Variants in CACNA2D3 observed in about 807,000 individuals in gnomAD.
CACNA2D3 encodes calcium voltage-gated channel auxiliary subunit alpha2delta 3.
Under a neutral mutation model 160.6 loss-of-function variants are expected in CACNA2D3, and 60 were observed. The ratio of observed to expected loss-of-function variants is 0.37; its 90% confidence interval spans 0.30 to 0.46. The LOEUF is 0.46. Ranked by LOEUF, CACNA2D3 falls within the 20% of genes least tolerant of loss-of-function variation. CACNA2D3 has a pLI of 1.00. For missense variants in CACNA2D3, 1,205 were observed against 1,365.0 expected (o/e 0.88, Z 1.85); for synonymous variants, 558 against 492.9 (o/e 1.13, Z -1.75).
intron 2 of CACNA2D3, among the ~76,000 whole-genome samples, chr3:54,288,038 C>G (rs962898870): frequency 6.6e-6 from 1 of 151,922 alleles, no homozygotes; most frequent in South Asian, 2.1e-4. Flanking sequence ...CAAACACATT[C>G]AAAAGCTAGC....
chr3:54,135,987 G>A (rs1576949745), intron 2 of CACNA2D3, among the ~76,000 whole-genome samples: 1 of 152,362 alleles, frequency 6.6e-6, no homozygotes, highest in East Asian at 1.9e-4. Context: ...GACGACAGGG[G>A]GAGGCAGCCC....
chr3:54,450,655 G>A (rs1275042757), intron 4 of CACNA2D3, among the ~76,000 whole-genome samples: 1 of 152,064 alleles, frequency 6.6e-6, no homozygotes, highest in Non-Finnish European at 1.5e-5. Context: ...TCCTCTCTCA[G>A]CATGTGGTCA....
At chr3:54,306,555 A>C (rs1703606813) in intron 2 of CACNA2D3, among the ~76,000 whole-genome samples, 1 of 152,172 alleles carries the variant, frequency 6.6e-6, no homozygotes. Context: ...GAGCCCTTGC[A>C]TGGCCAAGGA....
intron 2 of CACNA2D3, among the ~76,000 whole-genome samples, chr3:54,233,540 A>G (rs889122768): frequency 6.6e-6 from 1 of 152,216 alleles, no homozygotes; most frequent in Non-Finnish European, 1.5e-5. Flanking sequence ...GGCCTTCCAC[A>G]CCATTGGAAA....
Position 54,871,520 on chromosome 3 carries a change from T to C in CACNA2D3, c.1627-19T>C. On this transcript the variant is annotated intron_variant, in intron 17 of 37. Transcript: ENST00000474759. The stretch of plus-strand genomic sequence containing the variant: ...ACGGACTTTTGTTTTTCTTTTCTTT[T>C]TCTTCTTCCCCTTGCTAGTACGAAG... The C allele has an allele frequency of 6.3e-7, 1 of 1,593,988 alleles. No individual in the cohort carries two copies. The highest frequency in any genetic ancestry group is 8.6e-7 in the Non-Finnish European group (1 of 1,163,208).
At chr3:54,973,845 G>A (rs143695663) in intron 29 of CACNA2D3, among the ~76,000 whole-genome samples, 39 of 152,294 alleles carry the variant, frequency 2.6e-4, no homozygotes, top group Admixed American at 1.5e-3. Flanking sequence ...AGTGTCAAGC[G>A]TATTCCACAA....
intron 17 of CACNA2D3, among the ~76,000 whole-genome samples, chr3:54,848,136 A>G (rs1698975405): frequency 6.6e-6 from 1 of 152,194 alleles, no homozygotes; most frequent in East Asian, 1.9e-4. Context: ...TTTGCCAACA[A>G]ACATTTGCCT....
rs537486774 is a variant in CACNA2D3, at chr3:54,554,176, G to T, written c.545-8624G>T. Among the ~76,000 whole-genome samples the T allele has an allele frequency of 3.3e-5, 5 of 150,472 alleles. No individual in the cohort carries two copies. The East Asian group carries it at 7.8e-4, about 24-fold the overall frequency. On this transcript the variant is annotated intron_variant, in intron 5 of 37. Coordinates refer to ENST00000474759, the MANE Select transcript of CACNA2D3 (RefSeq NM_018398.3). ...GGTCATCTATATGACCTCTGGGAGGGTCATCTTTGACCACCCAATTTGGGT... is the reference window on the plus strand; with the variant it reads ...GGTCATCTATATGACCTCTGGGAGGTTCATCTTTGACCACCCAATTTGGGT...
chr3:54,749,005 CAT>C (rs1267372845), intron 11 of CACNA2D3, among the ~76,000 whole-genome samples: 1 of 152,214 alleles, frequency 6.6e-6, no homozygotes, highest in Non-Finnish European at 1.5e-5. Flanking sequence ...TTAATTTCCA[CAT>C]GTCATCTCTT....
chr3:54,657,251 A>G lies in CACNA2D3; in HGVS notation c.1167+15010A>G, dbSNP rs1351921795. On this transcript the variant is annotated intron_variant, in intron 11 of 37. Coordinates refer to ENST00000474759, the MANE Select transcript of CACNA2D3 (RefSeq NM_018398.3). ...ACCCGCGGTCTGGATGTGTACGTGCAGGTCACAGGGGATATGATGGCTTAG... is the reference window on the plus strand; with the variant it reads ...ACCCGCGGTCTGGATGTGTACGTGCGGGTCACAGGGGATATGATGGCTTAG... Among the ~76,000 whole-genome samples, 6 of 152,172 alleles carry G rather than the reference A, an allele frequency of 3.9e-5. No individual in the cohort carries two copies. In the East Asian group the frequency reaches 9.6e-4, roughly 24 times the overall value.
chr3:54,204,697 G>A (rs931247399), intron 2 of CACNA2D3, among the ~76,000 whole-genome samples: 3 of 150,966 alleles, frequency 2.0e-5, no homozygotes, highest in African/African-American at 7.3e-5. Flanking sequence ...TTGGGAGGCT[G>A]AGGCAGGAGA....
At chr3:54,832,011 T>TCACACACACACACACACACACA (rs60020847) in intron 14 of CACNA2D3, among the ~76,000 whole-genome samples, 1 of 118,862 alleles carries the variant, frequency 8.4e-6, no homozygotes, top group Non-Finnish European at 1.7e-5. Flanking sequence ...CTCTTCTCTG[T>TCACACACACACACACACACACA]CACACACACA....
At chr3:54,927,037 A>T (rs1460781499) in intron 27 of CACNA2D3, among the ~76,000 whole-genome samples, 1 of 152,228 alleles carries the variant, frequency 6.6e-6, no homozygotes, top group African/African-American at 2.4e-5. Flanking sequence ...GTGGTAGAGG[A>T]ATTCATGAGC....
intron 2 of CACNA2D3, among the ~76,000 whole-genome samples, chr3:54,260,741 A>G (rs1305626091): frequency 6.6e-6 from 1 of 152,082 alleles, no homozygotes; most frequent in Non-Finnish European, 1.5e-5. Context: ...AAACATGCCA[A>G]GCCCTTTCAG....
At chr3:54,667,304 G>T (rs1004113698) in intron 11 of CACNA2D3, among the ~76,000 whole-genome samples, 3 of 152,072 alleles carry the variant, frequency 2.0e-5, no homozygotes, top group Non-Finnish European at 4.4e-5. Context: ...GTATGAATTG[G>T]TTTTCAAGAC....
At chr3:54,825,816 A>C (rs1362241657) in intron 14 of CACNA2D3, among the ~76,000 whole-genome samples, 1 of 152,200 alleles carries the variant, frequency 6.6e-6, no homozygotes, top group Non-Finnish European at 1.5e-5. Flanking sequence ...AAATATAATA[A>C]ATGAAGTCTA....
chr3:54,969,932 A>G (rs1702233021), intron 29 of CACNA2D3, 88 bp downstream of exon 29: 1 of 1,144,546 alleles, frequency 8.7e-7, no homozygotes, highest in Non-Finnish European at 1.3e-6. Context: ...CCTTATAAAC[A>G]AGGCCAGGTT....
At chr3:54,558,704 A>G (rs1702278016) in intron 5 of CACNA2D3, among the ~76,000 whole-genome samples, 1 of 152,148 alleles carries the variant, frequency 6.6e-6, no homozygotes, top group Non-Finnish European at 1.5e-5. Flanking sequence ...TTCACTCAGG[A>G]TAATGGCCTC....
At chr3:54,332,943 G>C (rs761776228) in intron 3 of CACNA2D3, among the ~76,000 whole-genome samples, 4 of 152,256 alleles carry the variant, frequency 2.6e-5, no homozygotes, top group Non-Finnish European at 5.9e-5. Flanking sequence ...TTGAAATCGG[G>C]AGTCCTGGCC....
Sources: gnomAD v4.1 joint callset for allele counts (sites outside exome capture counted in the v4.1 genomes callset) on GRCh38, gnomAD v4.1.1 for gene constraint, MANE v1.5 for transcripts, NCBI Gene and HGNC (gene_info 2026-07-23, HGNC 2026-07-21) for gene names.